The following ZDHHC15 variants were observed in gnomAD, a reference collection of about 807,000 sequenced individuals.
ZDHHC15 encodes the protein zDHHC palmitoyltransferase 15.
In ZDHHC15, 19 loss-of-function variants were observed where a neutral mutation model predicts 31.7. That is an observed-to-expected ratio of 0.60 (90% confidence interval 0.42 to 0.88). The LOEUF (loss-of-function observed/expected upper bound fraction) is 0.88, where lower values mean the gene tolerates loss of function less well. Ranked by LOEUF, ZDHHC15 falls within the 40% of genes least tolerant of loss-of-function variation. The probability of loss-of-function intolerance (pLI) is 0.00; values close to 1 mark genes in which losing one functional copy is unlikely to be tolerated. For missense variants in ZDHHC15, 209 were observed against 251.2 expected (o/e 0.83, Z 1.14); for synonymous variants, 103 against 90.0 (o/e 1.14, Z -0.82).
chrX:75,444,617 T>TA (rs1254935681), intron 4 of ZDHHC15, among the ~76,000 whole-genome samples: 1 of 63,748 alleles, frequency 1.6e-5, no homozygotes, highest in African/African-American at 6.8e-5. Context: ...TAAAGTATAA[T>TA]AAAAAAAGAA....
intron 3 of ZDHHC15, among the ~76,000 whole-genome samples, chrX:75,461,996 A>G (rs949193410): frequency 1.8e-5 from 2 of 111,996 alleles, no homozygotes; most frequent in South Asian, 3.7e-4. Context: ...AATCTGGACA[A>G]AGAGCCAAGA....
intron 10 of ZDHHC15, among the ~76,000 whole-genome samples, chrX:75,392,341 T>C (rs1253762406): frequency 8.9e-6 from 1 of 112,079 alleles, no homozygotes. Context: ...CTAGCCACAC[T>C]GACAGCTGAT....
chrX:75,446,628 G>A (rs962607372), intron 4 of ZDHHC15, among the ~76,000 whole-genome samples: 1 of 111,869 alleles, frequency 8.9e-6, no homozygotes. Flanking sequence ...ACCATAGACT[G>A]GGTAGCTTCT....
At chrX:75,423,157 C>G (rs2083670153) in intron 8 of ZDHHC15, among the ~76,000 whole-genome samples, 1 of 108,894 alleles carries the variant, frequency 9.2e-6, no homozygotes, top group South Asian at 4.1e-4. Context: ...GCTGCAGCCA[C>G]AGGCACATGC....
At chrX:75,414,142 G>A (rs1409347497) in intron 10 of ZDHHC15, among the ~76,000 whole-genome samples, 1 of 111,837 alleles carries the variant, frequency 8.9e-6, no homozygotes, top group Non-Finnish European at 1.9e-5. Context: ...AGACTCAAAA[G>A]TCTTTAAAAA....
rs751247478 is a variant in ZDHHC15, at chrX:75,429,197, C to G, written c.484G>C (p.Val162Leu). Residue 162 changes from valine (V) to leucine (L), a missense_variant and splice_region_variant, in exon 7 of 12, where the codon GTT becomes CTT. Val to Leu is a conservative substitution (Grantham distance 32). Transcript: ENST00000373367. ...TTGGAAAATCCAATGCAGTTATTAA[C>G]CCTAAAAAAAAAGAAAAACTAATTT... ...VLKMDHHCPW[V>L]NNCIGFSNYK... 1 of 1,193,225 alleles carries G rather than the reference C, an allele frequency of 8.4e-7. No individual in the cohort carries two copies. The highest frequency in any genetic ancestry group is 1.1e-6 in the Non-Finnish European group (1 of 889,745).
At chrX:75,458,228 A>G (rs919124446) in intron 3 of ZDHHC15, among the ~76,000 whole-genome samples, 1 of 111,845 alleles carries the variant, frequency 8.9e-6, no homozygotes, top group Non-Finnish European at 1.9e-5. Context: ...AATAGTACCA[A>G]CTAGGATTCC....
At chrX:75,497,371 C>G (rs1265215524) in intron 2 of ZDHHC15, among the ~76,000 whole-genome samples, 1 of 111,579 alleles carries the variant, frequency 9.0e-6, no homozygotes, top group East Asian at 2.8e-4. Flanking sequence ...AAATCCAGGA[C>G]CAGATAAATT....
intron 4 of ZDHHC15, among the ~76,000 whole-genome samples, chrX:75,439,743 C>G (rs929423969): frequency 1.2e-4 from 13 of 111,425 alleles, no homozygotes; most frequent in African/African-American, 4.2e-4. Context: ...AAGAACCTTG[C>G]TTTATAATAT....
chrX:75,519,590 T>C (rs1424128127), intron 1 of ZDHHC15, among the ~76,000 whole-genome samples: 1 of 112,147 alleles, frequency 8.9e-6, no homozygotes, highest in African/African-American at 3.2e-5. Flanking sequence ...TCAGCTCTAA[T>C]GTAACGTTAG....
intron 1 of ZDHHC15, among the ~76,000 whole-genome samples, chrX:75,513,874 A>G (rs1416342994): frequency 2.0e-5 from 2 of 99,227 alleles, no homozygotes; most frequent in Non-Finnish European, 4.0e-5. Context: ...GACTTTTTAC[A>G]TAACAAAAAA....
intron 2 of ZDHHC15, among the ~76,000 whole-genome samples, chrX:75,480,778 T>A (rs1334263584): frequency 2.7e-5 from 3 of 111,783 alleles, no homozygotes; most frequent in Admixed American, 9.5e-5. Context: ...CTCTTGCTAA[T>A]ACAAATAATG....
chrX:75,390,901 C>G (rs945252247), intron 10 of ZDHHC15, among the ~76,000 whole-genome samples: 3 of 111,525 alleles, frequency 2.7e-5, no homozygotes, highest in Non-Finnish European at 5.6e-5. Context: ...CTCAGAGAGA[C>G]TGAGATAGTA....
At chrX:75,410,909 T>C (rs2083478005) in intron 10 of ZDHHC15, among the ~76,000 whole-genome samples, 1 of 112,343 alleles carries the variant, frequency 8.9e-6, no homozygotes, top group African/African-American at 3.2e-5. Flanking sequence ...TATTCATCTA[T>C]AAAAACGTTA....
chrX:75,446,239 T>A (rs1465940881), intron 4 of ZDHHC15, among the ~76,000 whole-genome samples: 2 of 110,421 alleles, frequency 1.8e-5, no homozygotes. Flanking sequence ...GCTCAGGGAG[T>A]TAGAAAGCAT....
chrX:75,412,317 C>T (rs1018115187), intron 10 of ZDHHC15, among the ~76,000 whole-genome samples: 3 of 112,098 alleles, frequency 2.7e-5, no homozygotes, highest in African/African-American at 9.7e-5. Flanking sequence ...GAGATATCTG[C>T]AATCCCATGT....
rs1264141788 is a variant in ZDHHC15 at position 75,369,871 on chromosome X, C to A, written c.*3107G>T. 4.5e-5 allele frequency: 5 copies of A among 111,897 alleles called. No individual in the cohort carries two copies. The highest frequency in any genetic ancestry group is 7.5e-5 in the Non-Finnish European group (4 of 53,256). The allele number at this position is 111,897 out of a possible 1,213,427, so 9.2% of individuals were successfully genotyped here. On this transcript the variant is annotated 3_prime_UTR_variant, in exon 12 of 12. Coordinates refer to ENST00000373367, the MANE Select transcript of ZDHHC15 (RefSeq NM_144969.3). Reference sequence around the variant, plus strand: ...GAAGCCAAGTTACTTTAACAATGTACTGAACATGGTAACTGTGAGCCCTGC... The same window carrying A: ...GAAGCCAAGTTACTTTAACAATGTAATGAACATGGTAACTGTGAGCCCTGC...
intron 4 of ZDHHC15, among the ~76,000 whole-genome samples, chrX:75,443,445 T>C (rs2083976535): frequency 8.9e-6 from 1 of 111,735 alleles, no homozygotes; most frequent in Non-Finnish European, 1.9e-5. Flanking sequence ...ATCCCTTCCT[T>C]ACAACTTATA....
intron 10 of ZDHHC15, among the ~76,000 whole-genome samples, chrX:75,385,354 A>G (rs755654167): frequency 3.6e-5 from 4 of 111,068 alleles, no homozygotes; most frequent in Non-Finnish European, 5.7e-5. Flanking sequence ...GTGTGCTTTG[A>G]TAGGAGAATC....
Sources: allele counts gnomAD v4.1 joint callset (sites outside exome capture counted in the v4.1 genomes callset), GRCh38; gene constraint gnomAD v4.1.1; transcripts MANE v1.5; gene names NCBI Gene and HGNC (gene_info 2026-07-23, HGNC 2026-07-21).